Variants in NAV3 observed in about 807,000 individuals in gnomAD.
The protein encoded by NAV3 is neuron navigator 3.
NAV3 carries 87 observed loss-of-function variants against 244.7 expected under a neutral mutation model. That is an observed-to-expected ratio of 0.36 (90% CI 0.30 to 0.42). The LOEUF is 0.42. Ranked by LOEUF, NAV3 falls within the 20% of genes least tolerant of loss-of-function variation. NAV3 has a pLI of 1.00. For missense variants in NAV3, 2,663 were observed against 2,893.3 expected, an observed-to-expected ratio of 0.92 and a Z score of 1.83; for synonymous variants, 1,126 against 1,042.2, an observed-to-expected ratio of 1.08 and a Z score of -1.55.
intron 16 of NAV3, among the ~76,000 whole-genome samples, chr12:78,126,692 AT>A (rs1286722848): frequency 3.3e-5 from 5 of 152,220 alleles, no homozygotes; most frequent in Non-Finnish European, 5.9e-5. Context: ...TAAATGGGAA[AT>A]AAACATGCCT....
rs886116258 is a variant in NAV3 at position 78,051,041 on chromosome 12, A to G, written c.2410A>G (p.Lys804Glu). 7 of 1,614,030 alleles carry G rather than the reference A, an allele frequency of 4.3e-6. No homozygotes were observed. In the Admixed American group the frequency reaches 1.0e-4, roughly 23 times the overall value. The change falls in exon 11 of 40, where the codon AAA (lysine) becomes GAA (glutamate). Residue 804 changes from lysine to glutamate, a missense_variant. Around this residue, in one of 6 missense-constraint regions of NAV3, gnomAD observed 1,521 missense variants for 1,497.0 expected, o/e 1.02. Transcript: ENST00000397909. ...GNMSQIDMSE[K>E]ASSDLDMSSE... The stretch of plus-strand genomic sequence containing the variant: ...CATGTCACAGATTGACATGAGTGAG[A>G]AAGCAAGCAGTGACCTGGACATGTC...
At chr12:77,949,741 T>C (rs1205969146) in intron 3 of NAV3, among the ~76,000 whole-genome samples, 1 of 152,066 alleles carries the variant, frequency 6.6e-6, no homozygotes, top group Non-Finnish European at 1.5e-5. Context: ...AAGTTTACTC[T>C]TGGTATTGTA....
At chr12:77,682,364 T>C (rs1874512691) in intron 2 of NAV3, among the ~76,000 whole-genome samples, 1 of 152,168 alleles carries the variant, frequency 6.6e-6, no homozygotes, top group Non-Finnish European at 1.5e-5. Flanking sequence ...TAGTATCCCA[T>C]TGTGTATAGG....
In NAV3 at chr12:77,671,662, GA is replaced by G. The variant is rs1303269718; in HGVS notation, c.72+99399del. On this transcript the variant is annotated intron_variant, in intron 2 of 8. Transcript: ENST00000550042. ...AAAGCAAACAAAAACGCAGAGTGGG[GA>G]AAGGACACCCTATTCGACAAATGAT... Among the ~76,000 whole-genome samples the G allele has an allele frequency of 2.0e-5, 3 of 152,072 alleles. No homozygotes were observed. The East Asian group carries it at 5.8e-4, about 29-fold the overall frequency.
intron 6 of NAV3, 23 bp downstream of exon 6, chr12:77,994,894 A>T (rs1872096121): frequency 6.5e-7 from 1 of 1,528,914 alleles, no homozygotes; most frequent in South Asian, 1.2e-5. Flanking sequence ...TCTCTAATTT[A>T]TTGCTTATTA....
At chr12:77,670,398 A>G (rs1016033034) in intron 2 of NAV3, among the ~76,000 whole-genome samples, 2 of 152,086 alleles carry the variant, frequency 1.3e-5, no homozygotes, top group African/African-American at 2.4e-5. Flanking sequence ...TATTGACACT[A>G]TTCCACAAGA....
At chr12:78,191,651 A>G (rs187484389) in intron 34 of NAV3, among the ~76,000 whole-genome samples, 3 of 152,286 alleles carry the variant, frequency 2.0e-5, no homozygotes, top group Admixed American at 2.0e-4. Context: ...GAGGTAGAGT[A>G]TTTGGCTCTT....
chr12:77,652,452 T>G (rs1358291408), intron 2 of NAV3, among the ~76,000 whole-genome samples: 1 of 152,212 alleles, frequency 6.6e-6, no homozygotes, highest in Non-Finnish European at 1.5e-5. Context: ...ATTCTACTCC[T>G]TCACTTTTTA....
chr12:78,150,670 C>CAT (rs1188008483), intron 22 of NAV3, among the ~76,000 whole-genome samples: 2 of 145,376 alleles, frequency 1.4e-5, no homozygotes, highest in African/African-American at 2.7e-5. Context: ...CACACACACA[C>CAT]ATACACACAC....
chr12:77,952,364 C>T (rs1036698741), intron 3 of NAV3, among the ~76,000 whole-genome samples: 2 of 152,120 alleles, frequency 1.3e-5, no homozygotes, highest in African/African-American at 4.8e-5. Context: ...ATCTTTGCTT[C>T]ATTGTATTGC....
chr12:78,013,161 T>G (rs1331408121), intron 8 of NAV3, among the ~76,000 whole-genome samples: 3 of 152,160 alleles, frequency 2.0e-5, no homozygotes, highest in Non-Finnish European at 4.4e-5. Flanking sequence ...ATTTTTTATC[T>G]TCTTTCAACA....
At chr12:77,993,073 A>T (rs954919450) in intron 5 of NAV3, among the ~76,000 whole-genome samples, 1 of 152,194 alleles carries the variant, frequency 6.6e-6, no homozygotes, top group African/African-American at 2.4e-5. Context: ...TGGACCATAA[A>T]ATGAAATTGA....
chr12:78,079,096 C>T (rs1207893989), intron 12 of NAV3, among the ~76,000 whole-genome samples: 1 of 152,172 alleles, frequency 6.6e-6, no homozygotes, highest in East Asian at 1.9e-4. Flanking sequence ...AAAACCCCAG[C>T]TGTGAGTATG....
Position 78,094,081 on chromosome 12 carries a change from C to T in NAV3, c.2637-22691C>T, listed in dbSNP as rs567810777. On this transcript the variant is annotated intron_variant, in intron 12 of 39. Coordinates refer to ENST00000397909, the MANE Select transcript of NAV3 (RefSeq NM_001024383.2). Reference sequence around the variant, plus strand: ...TCTCAAACTTCTGGCCTCAAGCAATCGTCCCACTTTAGCTTCCCAAAGTGC... The same window carrying T: ...TCTCAAACTTCTGGCCTCAAGCAATTGTCCCACTTTAGCTTCCCAAAGTGC... Among the ~76,000 whole-genome samples the T allele has an allele frequency of 6.6e-5, 10 of 152,326 alleles. No homozygotes were observed. The East Asian group carries it at 1.2e-3, about 18-fold the overall frequency.
chr12:77,807,148 G>A (rs1565821380), intron 2 of NAV3, among the ~76,000 whole-genome samples: 2 of 152,146 alleles, frequency 1.3e-5, no homozygotes, highest in South Asian at 4.1e-4. Context: ...GTCTGTGTCT[G>A]TTAATTGGTG....
intron 5 of NAV3, among the ~76,000 whole-genome samples, chr12:77,982,696 C>T (rs1007385808): frequency 2.6e-5 from 4 of 152,084 alleles, no homozygotes; most frequent in African/African-American, 7.2e-5. Context: ...AAGAATCAGA[C>T]GAGGCATAAA....
At chr12:77,989,028 C>T (rs1621609) in intron 5 of NAV3, among the ~76,000 whole-genome samples, 81,533 of 151,832 alleles carry the variant, frequency 0.54, 22,679 homozygotes, top group East Asian at 0.73. Flanking sequence ...AGAGATTGAT[C>T]ATGTGAAAAT....
chr12:77,708,033 C>G (rs1875914857), intron 2 of NAV3, among the ~76,000 whole-genome samples: 1 of 152,232 alleles, frequency 6.6e-6, no homozygotes, highest in African/African-American at 2.4e-5. Flanking sequence ...ATGGTAGTTT[C>G]TTTTGCTGTG....
At chr12:77,680,286 C>T (rs1260135635) in intron 2 of NAV3, among the ~76,000 whole-genome samples, 3 of 152,040 alleles carry the variant, frequency 2.0e-5, no homozygotes, top group Non-Finnish European at 4.4e-5. Flanking sequence ...ACTTTTTTCC[C>T]AACCTAATGC....
Sources: gnomAD v4.1 joint callset for allele counts (sites outside exome capture counted in the v4.1 genomes callset) on GRCh38, gnomAD v4.1.1 for gene constraint, gnomAD v4.1.1 regional missense constraint, MANE v1.5 for transcripts, NCBI Gene and HGNC (gene_info 2026-07-23, HGNC 2026-07-21) for gene names.